The following EMP2 variants were observed in gnomAD, a reference collection of about 807,000 sequenced individuals.
EMP2 encodes epithelial membrane protein 2.
In EMP2, 19 loss-of-function variants were observed where a neutral mutation model predicts 13.7. The ratio of observed to expected loss-of-function variants is 1.38; its 90% CI spans 0.97 to 2.03. The LOEUF (loss-of-function observed/expected upper bound fraction) is 2.03. EMP2 is among the 30% of genes most tolerant of loss of function. The pLI, the probability that EMP2 is intolerant of heterozygous loss-of-function variation, is 0.00. For synonymous variants in EMP2, 97 were observed against 84.7 expected (o/e 1.15, Z -0.80); for missense variants, 253 against 220.7 (o/e 1.15, Z -0.93).
intron 1 of EMP2, among the ~76,000 whole-genome samples, chr16:10,572,712 C>G (rs1263706386): frequency 6.6e-6 from 1 of 152,154 alleles, no homozygotes; most frequent in East Asian, 1.9e-4. Context: ...CCTCCTCGAC[C>G]CTCCACATGT....
intron 1 of EMP2, among the ~76,000 whole-genome samples, chr16:10,571,160 G>C (rs1473041586): frequency 6.7e-6 from 1 of 149,036 alleles, no homozygotes; most frequent in Non-Finnish European, 1.5e-5. Flanking sequence ...TGGAGGCTTA[G>C]GCAGGAGAAT....
At chr16:10,572,788 G>A (rs2354422) in intron 1 of EMP2, among the ~76,000 whole-genome samples, 52,628 of 151,994 alleles carry the variant, frequency 0.35, 9,557 homozygotes, top group Non-Finnish European at 0.4. Context: ...TCTGCCTACT[G>A]TCTTCAGAAT....
chr16:10,574,771 C>T (rs540939239), intron 1 of EMP2, among the ~76,000 whole-genome samples: 1 of 151,936 alleles, frequency 6.6e-6, no homozygotes, highest in South Asian at 2.1e-4. Context: ...AGGATGGTCT[C>T]GATCTCCTGA....
chr16:10,571,255 CAAAAAAAAAAAAAAAA>C (rs58665715), intron 1 of EMP2, among the ~76,000 whole-genome samples: 10 of 33,420 alleles, frequency 3.0e-4, no homozygotes, highest in Non-Finnish European at 5.5e-4. Context: ...GACTCCGTCT[CAAAAAAAAAAAAAAAA>C]AAAAAAAAAA....
chr16:10,543,713 A>T, intron 2 of EMP2, 53 bp from the exon 3 acceptor site: 1 of 1,563,268 alleles, frequency 6.4e-7, no homozygotes, highest in Non-Finnish European at 8.8e-7. Flanking sequence ...TGATGCAAAC[A>T]CTGACTGCTA....
intron 1 of EMP2, among the ~76,000 whole-genome samples, chr16:10,572,571 C>G (rs1049231728): frequency 6.6e-6 from 1 of 152,134 alleles, no homozygotes; most frequent in East Asian, 1.9e-4. Context: ...AGTAAGCGGC[C>G]AATAAATATT....
intron 1 of EMP2, among the ~76,000 whole-genome samples, chr16:10,558,478 AGTGT>A (rs61441812): frequency 0.041 from 6,224 of 149,980 alleles, 205 homozygotes; most frequent in East Asian, 0.13. Flanking sequence ...GTTTGCTTAA[AGTGT>A]GTGTGTGTGT....
At chr16:10,564,534 T>C (rs1157388331) in intron 1 of EMP2, among the ~76,000 whole-genome samples, 1 of 151,846 alleles carries the variant, frequency 6.6e-6, no homozygotes, top group East Asian at 1.9e-4. Context: ...CTGTCCCTAT[T>C]TTAGCTAGTT....
At chr16:10,540,655 G>C (rs1006970445) in intron 3 of EMP2, among the ~76,000 whole-genome samples, 2 of 152,126 alleles carry the variant, frequency 1.3e-5, no homozygotes, top group African/African-American at 4.8e-5. Context: ...AAAAGGACCA[G>C]AAACAGGCTT....
chr16:10,563,658 G>T lies in EMP2; in HGVS notation c.-60-15981C>A, dbSNP rs141202994. ...TTAACGTGGAAGTTAACATAGGAAG[G>T]GGTCACAGGGTAGAAGATGAGCAGG... is the stretch of plus-strand genomic sequence containing the variant. On this transcript the variant is annotated intron_variant, in intron 1 of 4. Coordinates refer to ENST00000359543, the MANE Select transcript of EMP2 (RefSeq NM_001424.6). 4.6e-5 allele frequency among the ~76,000 whole-genome samples: 7 copies of T among 152,306 alleles called. No homozygotes were observed. In the East Asian group the frequency reaches 1.2e-3, roughly 25 times the overall value.
chr16:10,565,139 T>C (rs2050898693), intron 1 of EMP2, among the ~76,000 whole-genome samples: 1 of 152,226 alleles, frequency 6.6e-6, no homozygotes, highest in Non-Finnish European at 1.5e-5. Context: ...TGAGATTTCC[T>C]CTTTGAAGAG....
chr16:10,541,067 G>A (rs2050693720), intron 3 of EMP2, among the ~76,000 whole-genome samples: 1 of 151,510 alleles, frequency 6.6e-6, no homozygotes, highest in Admixed American at 6.6e-5. Flanking sequence ...CAGCCAGAGT[G>A]ACAAAGCGAG....
At chr16:10,577,466 G>A (rs1262612963) in intron 1 of EMP2, among the ~76,000 whole-genome samples, 2 of 152,104 alleles carry the variant, frequency 1.3e-5, no homozygotes, top group African/African-American at 2.4e-5. Context: ...CTGCCACAGT[G>A]CTGCTGAAAT....
chr16:10,575,237 C>CA (rs2050975115), intron 1 of EMP2, among the ~76,000 whole-genome samples: 1 of 52,500 alleles, frequency 1.9e-5, no homozygotes, highest in Non-Finnish European at 3.6e-5. Context: ...AGCTTGCATT[C>CA]TTTTTTTTTT....
intron 1 of EMP2, among the ~76,000 whole-genome samples, chr16:10,579,461 A>T (rs1381492819): frequency 6.6e-6 from 1 of 152,156 alleles, no homozygotes; most frequent in Non-Finnish European, 1.5e-5. Context: ...ATACTGTGTA[A>T]CCATTGCCAC....
intron 1 of EMP2, among the ~76,000 whole-genome samples, chr16:10,574,462 C>T (rs1252834053): frequency 6.6e-6 from 1 of 152,274 alleles, no homozygotes; most frequent in African/African-American, 2.4e-5. Flanking sequence ...TGCTCCATCT[C>T]CCTCCCTTCA....
intron 1 of EMP2, among the ~76,000 whole-genome samples, chr16:10,553,500 T>G (rs1428965555): frequency 6.6e-6 from 1 of 152,198 alleles, no homozygotes; most frequent in Non-Finnish European, 1.5e-5. Flanking sequence ...CACCTTCTCC[T>G]GGGCATGGCT....
intron 1 of EMP2, among the ~76,000 whole-genome samples, chr16:10,558,031 G>GTT (rs558044947): frequency 0.06 from 8,333 of 139,476 alleles, 826 homozygotes; most frequent in African/African-American, 0.2. Context: ...TGAGTTTCAA[G>GTT]TTTTTTTTTT....
chr16:10,578,897 C>T (rs1226411671), intron 1 of EMP2, among the ~76,000 whole-genome samples: 4 of 152,258 alleles, frequency 2.6e-5, no homozygotes, highest in African/African-American at 7.2e-5. Flanking sequence ...CGTGGGCATC[C>T]ACGCCCTGTT....
Sources: allele counts gnomAD v4.1 joint callset (sites outside exome capture counted in the v4.1 genomes callset), GRCh38; gene constraint gnomAD v4.1.1; transcripts MANE v1.5; gene names NCBI Gene and HGNC (gene_info 2026-07-23, HGNC 2026-07-21).